ERBB4: variants seen among roughly 807,000 people sequenced by gnomAD.
The protein encoded by ERBB4 is receptor tyrosine-protein kinase erbB-4.
A neutral mutation model predicts 158.0 loss-of-function variants in ERBB4; 42 were observed. The observed-to-expected ratio is 0.27, with a 90% CI of 0.21 to 0.34. ERBB4 has a LOEUF of 0.34. Ranked by LOEUF, ERBB4 falls within the 10% of genes least tolerant of loss-of-function variation. The pLI is 1.00. For missense variants in ERBB4, 1,333 were observed against 1,624.1 expected, an observed-to-expected ratio of 0.82 and a Z score of 3.08; for synonymous variants, 583 against 558.7, an observed-to-expected ratio of 1.04 and a Z score of -0.61.
At chr2:211,537,181 C>T (rs1419777019) in intron 20 of ERBB4, among the ~76,000 whole-genome samples, 1 of 151,844 alleles carries the variant, frequency 6.6e-6, no homozygotes. Flanking sequence ...TAAGAGCATT[C>T]TCAAAAACTT....
chr2:212,056,461 C>T (rs544635037), intron 2 of ERBB4, among the ~76,000 whole-genome samples: 1 of 152,198 alleles, frequency 6.6e-6, no homozygotes, highest in South Asian at 2.1e-4. Flanking sequence ...AGAGCAGCTC[C>T]AAGACACATA....
At chr2:212,344,094 G>C (rs575374375) in intron 1 of ERBB4, among the ~76,000 whole-genome samples, 15 of 152,096 alleles carry the variant, frequency 9.9e-5, no homozygotes, top group Non-Finnish European at 1.9e-4. Context: ...GAAAAATATG[G>C]TTATATAGAT....
chr2:212,102,594 C>A (rs1262347389), intron 2 of ERBB4, among the ~76,000 whole-genome samples: 1 of 152,028 alleles, frequency 6.6e-6, no homozygotes, highest in Non-Finnish European at 1.5e-5. Context: ...CATGGATAAC[C>A]ATGTGCAAAC....
chr2:212,244,456 C>T (rs560679365), intron 1 of ERBB4, among the ~76,000 whole-genome samples: 1 of 152,202 alleles, frequency 6.6e-6, no homozygotes, highest in Non-Finnish European at 1.5e-5. Context: ...TCAGAATTAA[C>T]TAAAAATGTT....
intron 1 of ERBB4, among the ~76,000 whole-genome samples, chr2:212,297,748 T>C (rs2086465845): frequency 6.6e-6 from 1 of 151,724 alleles, no homozygotes; most frequent in Admixed American, 6.6e-5. Flanking sequence ...AAAAAGGGTG[T>C]ATATAATGCA....
chr2:212,461,147 C>A (rs1029359123), intron 1 of ERBB4, among the ~76,000 whole-genome samples: 1 of 152,040 alleles, frequency 6.6e-6, no homozygotes, highest in Non-Finnish European at 1.5e-5. Flanking sequence ...TCCACAGAGT[C>A]CCTACTGGGG....
At chr2:212,488,659 G>GTC (rs1187677715) in intron 1 of ERBB4, among the ~76,000 whole-genome samples, 8 of 151,874 alleles carry the variant, frequency 5.3e-5, no homozygotes, top group African/African-American at 1.9e-4. Flanking sequence ...CAAATGAACA[G>GTC]TAAGTTTGGA....
At chr2:211,788,850 G>T (rs1216060439) in intron 3 of ERBB4, among the ~76,000 whole-genome samples, 2 of 152,076 alleles carry the variant, frequency 1.3e-5, no homozygotes, top group African/African-American at 2.4e-5. Flanking sequence ...AAATGAAATC[G>T]ATAAGATTGC....
chr2:211,549,853 A>G (rs954845630), intron 20 of ERBB4, among the ~76,000 whole-genome samples: 2 of 152,152 alleles, frequency 1.3e-5, no homozygotes, highest in Non-Finnish European at 2.9e-5. Flanking sequence ...AAAATTCACA[A>G]AAATGGAATC....
At chr2:211,886,027 AG>A (rs1444569441) in intron 3 of ERBB4, among the ~76,000 whole-genome samples, 1 of 152,218 alleles carries the variant, frequency 6.6e-6, no homozygotes, top group Non-Finnish European at 1.5e-5. Flanking sequence ...AATTATATAA[AG>A]CATAGAGAGA....
At chr2:211,476,517 A>C (rs1288762658) in intron 20 of ERBB4, among the ~76,000 whole-genome samples, 3 of 151,908 alleles carry the variant, frequency 2.0e-5, no homozygotes, top group Non-Finnish European at 4.4e-5. Flanking sequence ...GAGTTACAGA[A>C]GAGTAGAAGA....
At chr2:211,581,784 G>A (rs1225250615) in intron 19 of ERBB4, among the ~76,000 whole-genome samples, 2 of 152,078 alleles carry the variant, frequency 1.3e-5, no homozygotes, top group African/African-American at 4.8e-5. Context: ...GGCTGAGGCA[G>A]GCAGATCACG....
At chr2:211,599,868 T>A (rs2068748299) in intron 19 of ERBB4, among the ~76,000 whole-genome samples, 1 of 152,212 alleles carries the variant, frequency 6.6e-6, no homozygotes. Flanking sequence ...TTAACTGCAA[T>A]CTAGTGGGTA....
intron 16 of ERBB4, among the ~76,000 whole-genome samples, chr2:211,649,836 T>C (rs981411742): frequency 2.0e-5 from 3 of 151,844 alleles, no homozygotes; most frequent in Non-Finnish European, 2.9e-5. Context: ...AAAATTACAA[T>C]GAAATTACAC....
intron 20 of ERBB4, among the ~76,000 whole-genome samples, chr2:211,486,199 A>G (rs1184167358): frequency 2.6e-5 from 4 of 152,296 alleles, no homozygotes; most frequent in African/African-American, 9.6e-5. Flanking sequence ...AAAGGTAAAG[A>G]GTACCTTGCT....
intron 3 of ERBB4, among the ~76,000 whole-genome samples, chr2:211,884,916 A>G (rs954426090): frequency 2.6e-5 from 4 of 152,080 alleles, no homozygotes; most frequent in Non-Finnish European, 2.9e-5. Flanking sequence ...CAATAGTATT[A>G]CTCTATTCTC....
chr2:211,663,474 G>T (rs1005100220), intron 15 of ERBB4, among the ~76,000 whole-genome samples: 9 of 152,224 alleles, frequency 5.9e-5, no homozygotes, highest in African/African-American at 2.2e-4. Flanking sequence ...AAATGCTCTG[G>T]TGAGATTTCT....
chr2:212,414,769 T>A (rs1385159960), intron 1 of ERBB4, among the ~76,000 whole-genome samples: 1 of 152,200 alleles, frequency 6.6e-6, no homozygotes, highest in Non-Finnish European at 1.5e-5. Context: ...CGATTTAAAC[T>A]GGAACCCACA....
intron 20 of ERBB4, among the ~76,000 whole-genome samples, chr2:211,495,890 C>A (rs923214204): frequency 6.6e-6 from 1 of 151,900 alleles, no homozygotes; most frequent in Non-Finnish European, 1.5e-5. Flanking sequence ...TCATTTATAT[C>A]TTAAAGAGAA....
Sources: allele counts gnomAD v4.1 joint callset (sites outside exome capture counted in the v4.1 genomes callset), GRCh38; gene constraint gnomAD v4.1.1; transcripts MANE v1.5; gene names NCBI Gene and HGNC (gene_info 2026-07-23, HGNC 2026-07-21).